CNR2: variants seen among roughly 807,000 people sequenced by gnomAD.
The protein encoded by CNR2 is cannabinoid receptor 2.
For synonymous variants in CNR2, 172 were observed against 182.2 expected (o/e 0.94, Z 0.45); for missense variants, 379 against 439.9 (o/e 0.86, Z 1.24).
At chr1:23,885,714 C>T (rs1156506546) in intron 1 of CNR2, among the ~76,000 whole-genome samples, 1 of 151,760 alleles carries the variant, frequency 6.6e-6, no homozygotes, top group Non-Finnish European at 1.5e-5. Flanking sequence ...ACTGTCTCTA[C>T]TAAAACTACA....
At chr1:23,897,780 T>C (rs1394714137) in intron 1 of CNR2, among the ~76,000 whole-genome samples, 1 of 152,110 alleles carries the variant, frequency 6.6e-6, no homozygotes, top group Non-Finnish European at 1.5e-5. Flanking sequence ...TATTTTTAAA[T>C]GAAAATAACT....
At chr1:23,895,796 C>T in intron 1 of CNR2, among the ~76,000 whole-genome samples, 1 of 152,112 alleles carries the variant, frequency 6.6e-6, no homozygotes, top group East Asian at 1.9e-4. Flanking sequence ...GCCACCGTGC[C>T]CGGCCAGGAC....
At chr1:23,902,199 C>T (rs956268176) in intron 1 of CNR2, 8 of 1,356,860 alleles carry the variant, frequency 5.9e-6, no homozygotes, top group African/African-American at 5.7e-5. Flanking sequence ...TGAAGACCAC[C>T]GCCTCCTGGT....
intron 1 of CNR2, among the ~76,000 whole-genome samples, chr1:23,890,693 C>G (rs1277713037): frequency 6.6e-6 from 1 of 150,432 alleles, no homozygotes; most frequent in Admixed American, 6.6e-5. Flanking sequence ...TGCAGTGAGC[C>G]GAGATCGCGC....
In CNR2 at chr1:23,888,430, T is replaced by G. The variant is rs16828924; in HGVS notation, c.-45-12768A>C. On this transcript the variant is annotated intron_variant, in intron 1 of 1. Coordinates refer to ENST00000374472, the MANE Select transcript of CNR2 (RefSeq NM_001841.3). ...GGCTGATGACCTCCATCATAGCTTC[T>G]TACCCTGGGTCCATGGGTAGGCTTG... Among the ~76,000 whole-genome samples the G allele has an allele frequency of 8.7e-3, 1,331 of 152,288 alleles. 14 individuals are homozygous for G. The highest frequency in any genetic ancestry group is 0.031 in the Middle Eastern group (9 of 294).
chr1:23,882,651 C>CAAAAAAAA (rs34245051), intron 1 of CNR2, among the ~76,000 whole-genome samples: 3 of 112,680 alleles, frequency 2.7e-5, no homozygotes, highest in African/African-American at 3.5e-5. Flanking sequence ...ACTAAAAATA[C>CAAAAAAAA]AAAAAAAAAA....
chr1:23,908,909 G>C (rs968482706), intron 1 of CNR2, among the ~76,000 whole-genome samples: 1 of 152,066 alleles, frequency 6.6e-6, no homozygotes, highest in African/African-American at 2.4e-5. Context: ...GGAGGCAAGG[G>C]AGCCTCTGAG....
rs199510108 is a variant in CNR2 at position 23,875,435 on chromosome 1, G to A, written c.183C>T (p.Ser61=). Residue 61 remains serine (S), a synonymous_variant, in exon 2 of 2, where the codon TCC becomes TCT. Transcript: ENST00000374472. ...ATGAGGGCTTCCGGCGGAGTTGGTGGGAGGACAGGATCAGATAGAGCACAG... is the reference window on the plus strand; with the variant it reads ...ATGAGGGCTTCCGGCGGAGTTGGTGAGAGGACAGGATCAGATAGAGCACAG... The part of the protein sequence containing the change: ...NVAVLYLILS[S]HQLRRKPSYL... 8.1e-6 allele frequency: 13 copies of A among 1,614,126 alleles called. No individual in the cohort carries two copies. Among genetic ancestry groups the A allele is most frequent in the Non-Finnish European group, 1.1e-5 (13 of 1,180,048 alleles).
chr1:23,875,126 G>C lies in CNR2; in HGVS notation c.492C>G (p.Val164=), dbSNP rs758137578. 6.2e-7 allele frequency: 1 copy of C among 1,608,964 alleles called. No homozygotes were observed. Among genetic ancestry groups the C allele is most frequent in the Non-Finnish European group, 8.5e-7 (1 of 1,177,198 alleles). The change falls in exon 2 of 2, where the codon GTC becomes GTG. Residue 164 remains valine (V), a synonymous_variant. Transcript: ENST00000374472. ...LGIMWVLSAL[V]SYLPLMGWTC... ...TCCATCCCATGAGGGGCAGGTAGGA[G>C]ACTAGTGCTGAGAGGACCCACATGA... is the stretch of plus-strand genomic sequence containing the variant.
intron 1 of CNR2, among the ~76,000 whole-genome samples, chr1:23,890,870 GTCTTCT>G (rs201886082): frequency 3.8e-5 from 3 of 78,306 alleles, no homozygotes; most frequent in African/African-American, 1.5e-4. Flanking sequence ...TCCCCCTCTG[GTCTTCT>G]TCTTCTTTTT....
chr1:23,904,570 A>G (rs1467771280), intron 1 of CNR2, among the ~76,000 whole-genome samples: 1 of 152,200 alleles, frequency 6.6e-6, no homozygotes, highest in East Asian at 1.9e-4. Context: ...ATATTACAGC[A>G]TAAATGACTG....
In CNR2 at chr1:23,878,024, GT is replaced by G. The variant is rs542839906; in HGVS notation, c.-45-2363del. Among the ~76,000 whole-genome samples, 43 of 152,074 alleles carry G rather than the reference GT, an allele frequency of 2.8e-4. 1 individual carries two copies. In the South Asian group the frequency reaches 7.7e-3, roughly 27 times the overall value. On this transcript the variant is annotated intron_variant, in intron 1 of 1. Transcript: ENST00000374472. ...TCACAATGCAGAACAAAGAGATAAAGTGATGGAAAACAAGAAAGAGAAGTTA... is the reference window on the plus strand; with the variant it reads ...TCACAATGCAGAACAAAGAGATAAAGGATGGAAAACAAGAAAGAGAAGTTA...
chr1:23,900,798 G>A (rs1462379441), intron 1 of CNR2, among the ~76,000 whole-genome samples: 2 of 152,050 alleles, frequency 1.3e-5, no homozygotes, highest in East Asian at 3.9e-4. Flanking sequence ...GTGCCACCGT[G>A]CCTGGCCTCC....
intron 1 of CNR2, among the ~76,000 whole-genome samples, chr1:23,904,798 C>A (rs569046075): frequency 4.6e-5 from 7 of 152,190 alleles, no homozygotes; most frequent in Non-Finnish European, 8.8e-5. Flanking sequence ...AGAGGTCTGT[C>A]CCCTGATGAT....
At chr1:23,885,560 T>C (rs1640072738) in intron 1 of CNR2, among the ~76,000 whole-genome samples, 2 of 152,200 alleles carry the variant, frequency 1.3e-5, no homozygotes, top group Admixed American at 6.5e-5. Flanking sequence ...TGGGGTTAGT[T>C]CACCTACTCT....
intron 1 of CNR2, among the ~76,000 whole-genome samples, chr1:23,909,457 C>G (rs112371065): frequency 6.6e-6 from 1 of 152,002 alleles, no homozygotes; most frequent in African/African-American, 2.4e-5. Flanking sequence ...CTTCAGTGTC[C>G]TCATTTATAG....
At chr1:23,899,885 GA>G in intron 1 of CNR2, among the ~76,000 whole-genome samples, 1 of 1,300 alleles carries the variant, frequency 7.7e-4, no homozygotes, top group African/African-American at 8.6e-4. Context: ...GAGAGAGAAA[GA>G]AAGAAAGAGA....
chr1:23,888,579 C>T (rs971645106), intron 1 of CNR2, among the ~76,000 whole-genome samples: 5 of 152,028 alleles, frequency 3.3e-5, no homozygotes, highest in African/African-American at 4.8e-5. Flanking sequence ...TAAGAATCAC[C>T]GATGCATGCA....
At chr1:23,908,664 A>G (rs1015267694) in intron 1 of CNR2, among the ~76,000 whole-genome samples, 15 of 151,836 alleles carry the variant, frequency 9.9e-5, no homozygotes, top group African/African-American at 3.4e-4. Flanking sequence ...TCATCTGTCA[A>G]ATGGGCCCAT....
Sources: allele counts gnomAD v4.1 joint callset (sites outside exome capture counted in the v4.1 genomes callset), GRCh38; gene constraint gnomAD v4.1.1; transcripts MANE v1.5; gene names NCBI Gene and HGNC (gene_info 2026-07-23, HGNC 2026-07-21).